SMC2: variants seen among roughly 807,000 people sequenced by gnomAD.
SMC2 encodes structural maintenance of chromosomes protein 2.
A neutral mutation model predicts 142.6 loss-of-function variants in SMC2; 41 were observed. That is an observed-to-expected ratio of 0.29 (90% CI 0.22 to 0.37). The LOEUF (loss-of-function observed/expected upper bound fraction) is 0.37. SMC2 is among the 10% of genes least tolerant of loss of function. The pLI is 1.00. For missense variants in SMC2, 1,265 were observed against 1,373.7 expected, an observed-to-expected ratio of 0.92 and a Z score of 1.25; for synonymous variants, 463 against 457.5, an observed-to-expected ratio of 1.01 and a Z score of -0.15.
At chr9:104,120,006 G>GT (rs748572510) in intron 15 of SMC2, 21 bp from the exon 16 acceptor site, 1 of 1,612,814 alleles carries the variant, frequency 6.2e-7, no homozygotes, top group Non-Finnish European at 8.5e-7. Flanking sequence ...TGGAAGACCT[G>GT]TTTCAATTTG....
At chr9:104,096,476 A>G (rs769211765) in intron 3 of SMC2, among the ~76,000 whole-genome samples, 179 bp downstream of exon 3, 1 of 152,224 alleles carries the variant, frequency 6.6e-6, no homozygotes, top group Non-Finnish European at 1.5e-5. Flanking sequence ...ACATTCTATC[A>G]CTAAGAGGAT....
intron 7 of SMC2, 54 bp from the exon 8 acceptor site, chr9:104,101,906 A>ATT: frequency 4.6e-6 from 5 of 1,086,574 alleles, no homozygotes; most frequent in Admixed American, 2.3e-5. Flanking sequence ...GCATAATTGA[A>ATT]TTTTTTTTTT....
At chr9:104,135,906 T>G (rs1207109507) in intron 23 of SMC2, 1 of 518,610 alleles carries the variant, frequency 1.9e-6, no homozygotes, top group Non-Finnish European at 3.8e-6. Flanking sequence ...TAAAGGAAGT[T>G]CTCAGGCAAA....
chr9:104,122,842 A>C (rs1160765701), intron 16 of SMC2, among the ~76,000 whole-genome samples: 2 of 151,994 alleles, frequency 1.3e-5, no homozygotes, highest in Admixed American at 1.3e-4. Context: ...TTTTAAGGAA[A>C]CCTAGCTGTT....
chr9:104,106,682 C>T (rs1443883226), intron 9 of SMC2, among the ~76,000 whole-genome samples: 2 of 152,076 alleles, frequency 1.3e-5, no homozygotes, highest in African/African-American at 2.4e-5. Flanking sequence ...CATGAACCAC[C>T]GCGCCTGGTC....
At chr9:104,137,762 G>A (rs890076740) in intron 23 of SMC2, among the ~76,000 whole-genome samples, 2 of 152,088 alleles carry the variant, frequency 1.3e-5, no homozygotes, top group African/African-American at 4.8e-5. Context: ...GGTGCCAAAC[G>A]TAATATGGCA....
At chr9:104,111,516 G>C (rs946721895) in intron 9 of SMC2, 65 bp from the exon 10 acceptor site, 4 of 918,860 alleles carry the variant, frequency 4.4e-6, no homozygotes, top group Non-Finnish European at 5.2e-6. Flanking sequence ...ATAAGGGTAT[G>C]CGTATAAGAA....
intron 17 of SMC2, among the ~76,000 whole-genome samples, chr9:104,123,982 G>A (rs922334790): frequency 1.3e-5 from 2 of 152,228 alleles, no homozygotes; most frequent in African/African-American, 4.8e-5. Context: ...GCAGTGAAAA[G>A]TAGTGTAAGA....
rs1216817484 is a variant in SMC2 at position 104,139,890 on chromosome 9, C to A, written c.*575C>A. On this transcript the variant is annotated 3_prime_UTR_variant, in exon 25 of 25. Coordinates refer to ENST00000374793, the MANE Select transcript of SMC2 (RefSeq NM_006444.3). ...TGAAAGAATCCTTATTTTAATGATA[C>A]ATGAATATCATGTTCCTATACGCTT... 6.6e-6 allele frequency: 1 copy of A among 152,092 alleles called. No homozygotes were observed. Among genetic ancestry groups the A allele is most frequent in the East Asian group, 1.9e-4 (1 of 5,182 alleles). 9.4% of individuals were successfully genotyped at this position (152,092 alleles called of 1,614,324 possible).
chr9:104,129,937 C>A, intron 21 of SMC2, 92 bp downstream of exon 21: 2 of 925,784 alleles, frequency 2.2e-6, no homozygotes, highest in Non-Finnish European at 3.3e-6. Context: ...TTAGAGTTAA[C>A]CTTTTGCAGA....
chr9:104,116,482 G>C (rs1833134080), intron 14 of SMC2, among the ~76,000 whole-genome samples, 163 bp downstream of exon 14: 1 of 152,124 alleles, frequency 6.6e-6, no homozygotes, highest in Non-Finnish European at 1.5e-5. Flanking sequence ...GAATAGAGAT[G>C]TTGGAAGACT....
chr9:104,126,775 T>G lies in SMC2; in HGVS notation c.2586T>G (p.Ala862=), dbSNP rs1834341452. ...SQIEVMAAEV[A]KNKESVNKAQ... is the part of the protein sequence containing the mutation. ...TTGAAGTAATGGCAGCTGAGGTGGC[T>G]AAAAATAAGGTAGGATTTATTTATC... The change falls in exon 19 of 25, where the codon GCT becomes GCG. Residue 862 remains alanine (A), a synonymous_variant. Coordinates refer to ENST00000374793, the MANE Select transcript of SMC2 (RefSeq NM_006444.3). 2 of 1,592,654 alleles carry G rather than the reference T, an allele frequency of 1.3e-6. No individual in the cohort carries two copies. Among genetic ancestry groups the G allele is most frequent in the Non-Finnish European group, 1.7e-6 (2 of 1,174,520 alleles).
At chr9:104,138,435 A>G (rs1835783725) in intron 24 of SMC2, among the ~76,000 whole-genome samples, 1 of 152,184 alleles carries the variant, frequency 6.6e-6, no homozygotes, top group South Asian at 2.1e-4. Flanking sequence ...TTTAGGGTTA[A>G]TATAATTGTT....
chr9:104,100,770 C>G (rs1404969256), intron 7 of SMC2, among the ~76,000 whole-genome samples: 1 of 152,186 alleles, frequency 6.6e-6, no homozygotes, highest in Non-Finnish European at 1.5e-5. Flanking sequence ...TAGACACCCT[C>G]ATTGAGAACA....
chr9:104,108,405 T>C (rs538885004), intron 9 of SMC2, among the ~76,000 whole-genome samples: 30 of 152,212 alleles, frequency 2.0e-4, no homozygotes, highest in Non-Finnish European at 3.7e-4. Flanking sequence ...AAGCCTTTCC[T>C]GGACTTTCCA....
chr9:104,094,341 G>C lies in SMC2; in HGVS notation c.-198G>C. ...TAAATAGTTCCGGCGCGGGTGTTGA[G>C]AGCGGTGTGGCAGGTGTTGTAGCCG... On this transcript the variant is annotated 5_prime_UTR_variant, in exon 1 of 25. Transcript: ENST00000374793. The C allele has an allele frequency of 2.5e-6, 1 of 398,770 alleles. No homozygotes were observed. Among genetic ancestry groups the C allele is most frequent in the Non-Finnish European group, 4.4e-6 (1 of 226,200 alleles). 24.7% of individuals were successfully genotyped at this position (398,770 alleles called of 1,614,324 possible). A position where few individuals can be genotyped will look rare whatever the true frequency, so the allele number is the denominator to read the frequency against.
intron 17 of SMC2, 67 bp downstream of exon 17, chr9:104,123,299 C>G: frequency 6.8e-7 from 1 of 1,481,304 alleles, no homozygotes; most frequent in South Asian, 1.3e-5. Flanking sequence ...CTTTAGGTAT[C>G]TTCTCTACCT....
Position 104,114,675 on chromosome 9 carries a change from A to C in SMC2, c.1533-16A>C. On this transcript the variant is annotated splice_polypyrimidine_tract_variant and intron_variant, in intron 12 of 24. Coordinates refer to ENST00000374793, the MANE Select transcript of SMC2 (RefSeq NM_006444.3). ...TTATTATCTAAGATTAATTTTTGTC[A>C]ACTTTTGTATTTCAGGGATCCAGAG... 6.2e-7 allele frequency: 1 copy of C among 1,602,252 alleles called. No individual in the cohort carries two copies. Among genetic ancestry groups the C allele is most frequent in the Admixed American group, 1.7e-5 (1 of 58,074 alleles).
intron 9 of SMC2, among the ~76,000 whole-genome samples, chr9:104,108,683 C>G (rs376970548): frequency 6.6e-6 from 1 of 152,194 alleles, no homozygotes; most frequent in East Asian, 1.9e-4. Context: ...AGTTACCAAC[C>G]TGTCAGTGTT....
Sources: gnomAD v4.1 joint callset for allele counts (sites outside exome capture counted in the v4.1 genomes callset) on GRCh38, gnomAD v4.1.1 for gene constraint, MANE v1.5 for transcripts, NCBI Gene and HGNC (gene_info 2026-07-23, HGNC 2026-07-21) for gene names.